ANKRD11: variants seen among roughly 807,000 people sequenced by gnomAD.
ANKRD11 encodes ankyrin repeat domain-containing protein 11.
In ANKRD11, 17 loss-of-function variants were observed where a neutral mutation model predicts 195.7. That is an observed-to-expected ratio of 0.09 (90% CI 0.06 to 0.13). The LOEUF (loss-of-function observed/expected upper bound fraction) is 0.13, where lower values mean the gene tolerates loss of function less well. ANKRD11 is among the 10% of genes least tolerant of loss of function. The probability of loss-of-function intolerance (pLI) is 1.00; values close to 1 mark genes in which losing one functional copy is unlikely to be tolerated. For missense variants in ANKRD11, 3,735 were observed against 3,566.1 expected (o/e 1.05, Z -1.21); for synonymous variants, 1,953 against 1,528.1 (o/e 1.28, Z -6.49).
intron 2 of ANKRD11, among the ~76,000 whole-genome samples, chr16:89,325,729 T>C (rs28473208): frequency 0.015 from 2,355 of 152,250 alleles, 67 homozygotes; most frequent in African/African-American, 0.054. Context: ...GACGTTTGGG[T>C]TCTCAGCTGA....
intron 2 of ANKRD11, among the ~76,000 whole-genome samples, chr16:89,362,961 A>C (rs1020981858): frequency 6.6e-6 from 1 of 151,924 alleles, no homozygotes; most frequent in African/African-American, 2.4e-5. Context: ...AGTTGGTATA[A>C]AAAAACCGGA....
intron 2 of ANKRD11, among the ~76,000 whole-genome samples, chr16:89,408,566 A>G (rs2041999372): frequency 6.6e-6 from 1 of 152,166 alleles, no homozygotes; most frequent in African/African-American, 2.4e-5. Flanking sequence ...CAGGCTGACG[A>G]GCGTGAGCAC....
At chr16:89,338,253 T>G (rs939511553) in intron 2 of ANKRD11, among the ~76,000 whole-genome samples, 2 of 152,038 alleles carry the variant, frequency 1.3e-5, no homozygotes, top group Admixed American at 1.3e-4. Flanking sequence ...TGTGCTGCCA[T>G]GAGCGCCACA....
chr16:89,378,774 C>T (rs532683011), intron 2 of ANKRD11, among the ~76,000 whole-genome samples: 6 of 152,228 alleles, frequency 3.9e-5, no homozygotes, highest in Non-Finnish European at 8.8e-5. Context: ...TTAGTAGAGA[C>T]GGGGTTTCAT....
chr16:89,316,904 C>T, intron 3 of ANKRD11, 29 bp downstream of exon 3: 2 of 1,608,790 alleles, frequency 1.2e-6, no homozygotes, highest in Non-Finnish European at 1.7e-6. Flanking sequence ...GTGCGGTGAG[C>T]ATGCAGGGCT....
chr16:89,450,637 C>T (rs1318606739), intron 1 of ANKRD11, among the ~76,000 whole-genome samples: 1 of 152,114 alleles, frequency 6.6e-6, no homozygotes, highest in African/African-American at 2.4e-5. Context: ...CATTCCTAAA[C>T]TCCTACTTTC....
chr16:89,362,869 T>C (rs2039791008), intron 2 of ANKRD11, among the ~76,000 whole-genome samples: 1 of 152,050 alleles, frequency 6.6e-6, no homozygotes, highest in East Asian at 1.9e-4. Flanking sequence ...TTTGCCTCTT[T>C]TAAAAAGTTC....
chr16:89,419,070 A>G (rs1597348075), intron 1 of ANKRD11, among the ~76,000 whole-genome samples: 2 of 152,328 alleles, frequency 1.3e-5, no homozygotes, highest in East Asian at 1.9e-4. Context: ...TTTAAACTAC[A>G]TAAAAGGTGC....
At position 89,285,960 on chromosome 16, in the gene ANKRD11, CAACACTGTGCA is replaced by C; in HGVS notation, c.892+68_892+78del. The stretch of plus-strand genomic sequence containing the variant: ...TCCGAGGAGGAGCTGATCAGAGGGG[CAACACTGTGCA>C]AACACCACAGGGCAGCTCCTACCAT... On this transcript the variant is annotated intron_variant, in intron 8 of 12. Transcript: ENST00000301030. The surrounding 1 kb of genome is among the most constrained non-coding windows in gnomAD (Gnocchi z 5.6). The C allele has an allele frequency of 6.2e-7, 1 of 1,605,678 alleles. No homozygotes were observed. Among genetic ancestry groups the C allele is most frequent in the Non-Finnish European group, 8.5e-7 (1 of 1,174,924 alleles).
intron 1 of ANKRD11, among the ~76,000 whole-genome samples, chr16:89,444,087 T>A (rs967103718): frequency 1.3e-5 from 2 of 152,130 alleles, no homozygotes; most frequent in Non-Finnish European, 2.9e-5. Flanking sequence ...CTGAAATAAA[T>A]AACAACTCAC....
Position 89,268,690 on chromosome 16 carries a change from GGGA to G in ANKRD11, c.7807-30_7807-28del, listed in dbSNP as rs753365602. On this transcript the variant is annotated intron_variant, in intron 12 of 12. Coordinates refer to ENST00000301030, the MANE Select transcript of ANKRD11 (RefSeq NM_013275.6). ...TGCGGGACACACAGCGGGGAGAGGA[GGGA>G]GGAGGAGTGAAGGGAGAGCCCCAGA... The G allele has an allele frequency of 2.4e-5, 38 of 1,565,776 alleles. No individual in the cohort carries two copies. In the African/African-American group the frequency reaches 3.1e-4, roughly 13 times the overall value.
intron 2 of ANKRD11, among the ~76,000 whole-genome samples, chr16:89,418,030 A>C (rs2042374101): frequency 1.3e-5 from 2 of 152,222 alleles, no homozygotes; most frequent in African/African-American, 2.4e-5. Flanking sequence ...ATAGGCTATT[A>C]ACAACCTATT....
At chr16:89,331,904 G>T (rs1215216384) in intron 2 of ANKRD11, among the ~76,000 whole-genome samples, 1 of 152,188 alleles carries the variant, frequency 6.6e-6, no homozygotes, top group East Asian at 1.9e-4. Flanking sequence ...GGTGGCTCCT[G>T]CACGTGGGCC....
intron 2 of ANKRD11, among the ~76,000 whole-genome samples, chr16:89,396,978 G>T (rs1248860643): frequency 6.6e-6 from 1 of 152,152 alleles, no homozygotes; most frequent in African/African-American, 2.4e-5. Context: ...GCATGAGCCA[G>T]GGGACTTGAC....
chr16:89,313,378 C>T (rs181809898), intron 3 of ANKRD11: 640 of 1,288,112 alleles, frequency 5.0e-4, no homozygotes, highest in Admixed American at 1.2e-3. Flanking sequence ...GGCAGCTCAG[C>T]GGTTCTGGGA....
At chr16:89,318,649 C>T (rs894252171) in intron 2 of ANKRD11, among the ~76,000 whole-genome samples, 8 of 152,234 alleles carry the variant, frequency 5.3e-5, no homozygotes, top group African/African-American at 7.2e-5. Context: ...TGCCCCTGGA[C>T]GCAGGCTTGG....
chr16:89,330,552 G>A (rs546204876), intron 2 of ANKRD11, among the ~76,000 whole-genome samples: 2 of 151,830 alleles, frequency 1.3e-5, no homozygotes, highest in African/African-American at 4.8e-5. Flanking sequence ...TCATTGATGG[G>A]GTGGTGTGGG....
chr16:89,471,274 C>T (rs1156292810), intron 1 of ANKRD11, among the ~76,000 whole-genome samples: 2 of 152,258 alleles, frequency 1.3e-5, no homozygotes, highest in Middle Eastern at 3.4e-3. Context: ...CTAGCGATTT[C>T]CAAATCACAG....
intron 2 of ANKRD11, among the ~76,000 whole-genome samples, chr16:89,335,338 C>A (rs963264704): frequency 2.6e-5 from 4 of 152,240 alleles, no homozygotes; most frequent in Admixed American, 6.5e-5. Flanking sequence ...CCTTCCAGCA[C>A]AGGAACAAAT....
Sources: allele counts gnomAD v4.1 joint callset (sites outside exome capture counted in the v4.1 genomes callset), GRCh38; gene constraint gnomAD v4.1.1; non-coding constraint Gnocchi (gnomAD v3.1); transcripts MANE v1.5; gene names NCBI Gene and HGNC (gene_info 2026-07-23, HGNC 2026-07-21).